The following UMAD1 variants were observed in gnomAD, a reference collection of about 807,000 sequenced individuals.
The protein encoded by UMAD1 is UBAP1-MVB12-associated (UMA) domain containing 1.
In UMAD1, 8 loss-of-function variants were observed where a neutral mutation model predicts 6.1. That is an observed-to-expected ratio of 1.30 (90% CI 0.76 to 2.35). The LOEUF (loss-of-function observed/expected upper bound fraction) is 2.35. Among genes scored for constraint, UMAD1 ranks in the 30% most tolerant of loss-of-function variants. The probability of loss-of-function intolerance (pLI) is 0.00; values close to 1 mark genes in which losing one functional copy is unlikely to be tolerated. For synonymous variants in UMAD1, 56 were observed against 31.4 expected, an observed-to-expected ratio of 1.78 and a Z score of -2.61; for missense variants, 130 against 78.4, an observed-to-expected ratio of 1.66 and a Z score of -2.49.
chr7:7,689,274 G>T (rs1780115547), intron 2 of UMAD1: 1 of 152,182 alleles, frequency 6.6e-6, no homozygotes, highest in Admixed American at 6.5e-5. Flanking sequence ...TCTCGTGGCA[G>T]TTATTTGATC....
intron 3 of UMAD1, among the ~76,000 whole-genome samples, chr7:7,831,258 T>C (rs1783461389): frequency 6.6e-6 from 1 of 152,242 alleles, no homozygotes; most frequent in Admixed American, 6.5e-5. Context: ...GTCGCCAGGA[T>C]ATTCTAAGTA....
At chr7:7,767,284 C>T (rs946892696) in intron 2 of UMAD1, among the ~76,000 whole-genome samples, 1 of 152,068 alleles carries the variant, frequency 6.6e-6, no homozygotes, top group African/African-American at 2.4e-5. Flanking sequence ...TGCCACCACA[C>T]CCGGCTAATT....
intron 2 of UMAD1, among the ~76,000 whole-genome samples, chr7:7,792,382 T>C (rs1782582106): frequency 6.6e-6 from 1 of 152,204 alleles, no homozygotes; most frequent in Non-Finnish European, 1.5e-5. Context: ...TCTCTATTCC[T>C]CTTTTCTTCA....
intron 2 of UMAD1, among the ~76,000 whole-genome samples, chr7:7,757,560 A>G (rs771997673): frequency 5.3e-5 from 8 of 152,230 alleles, no homozygotes; most frequent in Non-Finnish European, 1.2e-4. Flanking sequence ...AGCCAGATGT[A>G]AATGAGGTAA....
At chr7:7,696,443 G>A (rs1429474647) in intron 2 of UMAD1, among the ~76,000 whole-genome samples, 1 of 152,102 alleles carries the variant, frequency 6.6e-6, no homozygotes, top group Admixed American at 6.6e-5. Context: ...GAAGTCCTGA[G>A]CTTAGCCACT....
intron 2 of UMAD1, chr7:7,742,195 G>A (rs1392483036): frequency 1.5e-6 from 1 of 676,524 alleles, no homozygotes; most frequent in Non-Finnish European, 2.8e-6. Context: ...TGGCCACATC[G>A]ATGTCACAGA....
At position 7,877,603 on chromosome 7, in the gene UMAD1, G is replaced by T. The variant is rs1328199951; in HGVS notation, c.*65G>T. The T allele has an allele frequency of 3.0e-6, 2 of 677,556 alleles. No individual in the cohort carries two copies. The highest frequency in any genetic ancestry group is 2.1e-5 in the Admixed American group (1 of 48,510). The allele number at this position is 677,556 out of a possible 1,614,324, so 42.0% of individuals were successfully genotyped here. A position where few individuals can be genotyped will look rare whatever the true frequency, so the allele number is the denominator to read the frequency against. On this transcript the variant is annotated 3_prime_UTR_variant, in exon 4 of 4. Transcript: ENST00000682710. ...TTCGCCTATTTTATCTAACCTGTTT[G>T]ATGTTCTTTGCCGTTTCACTGTTTA...
chr7:7,780,514 G>A (rs894162282), intron 2 of UMAD1, among the ~76,000 whole-genome samples: 1 of 152,130 alleles, frequency 6.6e-6, no homozygotes, highest in Non-Finnish European at 1.5e-5. Context: ...CATACATGCA[G>A]AAACATGCAC....
intron 3 of UMAD1, among the ~76,000 whole-genome samples, chr7:7,818,659 C>T (rs1337739134): frequency 6.6e-6 from 1 of 152,166 alleles, no homozygotes; most frequent in African/African-American, 2.4e-5. Flanking sequence ...AATACCTTTA[C>T]TGTATATACC....
intron 2 of UMAD1, among the ~76,000 whole-genome samples, chr7:7,758,416 T>C (rs1449484958): frequency 6.6e-6 from 1 of 152,108 alleles, no homozygotes; most frequent in Non-Finnish European, 1.5e-5. Flanking sequence ...TCTTTTTATC[T>C]TTAAATTTTT....
At chr7:7,811,788 A>C (rs1309975834) in intron 3 of UMAD1, among the ~76,000 whole-genome samples, 1 of 152,236 alleles carries the variant, frequency 6.6e-6, no homozygotes, top group Non-Finnish European at 1.5e-5. Flanking sequence ...TGGTCCTTGC[A>C]GGTAAATTGT....
chr7:7,877,329 G>C lies in UMAD1; in HGVS notation c.205G>C (p.Glu69Gln). 1 of 717,486 alleles carries C rather than the reference G, an allele frequency of 1.4e-6. No homozygotes were observed. The highest frequency in any genetic ancestry group is 2.6e-6 in the Non-Finnish European group (1 of 385,084). The allele number at this position is 717,486 out of a possible 1,614,324, so 44.4% of individuals were successfully genotyped here. ...SSVTVSDPEM[E>Q]NKAGQTLENS... is the part of the protein sequence containing the mutation. ...TGTGACTGTATCAGACCCTGAGATGGAAAATAAGGCAGGCCAGACTCTGGA... is the reference window on the plus strand; with the variant it reads ...TGTGACTGTATCAGACCCTGAGATGCAAAATAAGGCAGGCCAGACTCTGGA... The change falls in exon 4 of 4, where the codon GAA becomes CAA. Residue 69 changes from glutamate to glutamine, a missense_variant. Physicochemically the swap from Glu to Gln is conservative, Grantham distance 29. Coordinates refer to ENST00000682710, the MANE Select transcript of UMAD1 (RefSeq NM_001302348.2).
intron 2 of UMAD1, among the ~76,000 whole-genome samples, chr7:7,707,915 G>T (rs1226295913): frequency 2.0e-5 from 3 of 152,158 alleles, no homozygotes; most frequent in Admixed American, 2.0e-4. Flanking sequence ...ATGCCTTGTT[G>T]CCCAGACAGT....
chr7:7,782,829 G>A (rs7795972), intron 2 of UMAD1, among the ~76,000 whole-genome samples: 114,221 of 150,930 alleles, frequency 0.76, 43,344 homozygotes, highest in South Asian at 0.81. Context: ...CTCTGAGTTC[G>A]AGCGATTCTC....
At position 7,801,716 on chromosome 7, in the gene UMAD1, G is replaced by A. The variant is rs547534097; in HGVS notation, c.129G>A (p.Ser43=). ...GAATGACAGCAAGAGGCAAAACTTC[G>A]GACATAGAGGCCAACCAACCTTTGG... ...EQRMTARGKT[S]DIEANQPLET... is the part of the protein sequence containing the mutation. The change falls in exon 3 of 4, where the codon TCG becomes TCA. Residue 43 remains serine, a synonymous_variant. Transcript: ENST00000682710. 5.7e-5 allele frequency: 41 copies of A among 717,996 alleles called. No individual in the cohort carries two copies. The highest frequency in any genetic ancestry group is 2.3e-4 in the Middle Eastern group (1 of 4,374). 44.5% of individuals were successfully genotyped at this position (717,996 alleles called of 1,614,324 possible). A position where few individuals can be genotyped will look rare whatever the true frequency, so the allele number is the denominator to read the frequency against.
At chr7:7,823,664 T>G (rs1467361149) in intron 3 of UMAD1, among the ~76,000 whole-genome samples, 2 of 152,192 alleles carry the variant, frequency 1.3e-5, no homozygotes, top group African/African-American at 4.8e-5. Flanking sequence ...GCTTTCTTTT[T>G]TATTTTTGAA....
At chr7:7,816,034 A>C (rs1783117982) in intron 3 of UMAD1, among the ~76,000 whole-genome samples, 1 of 152,158 alleles carries the variant, frequency 6.6e-6, no homozygotes, top group Non-Finnish European at 1.5e-5. Flanking sequence ...GAAGGACATT[A>C]ATTTAAAAAA....
At chr7:7,678,460 A>T (rs1583725252) in intron 2 of UMAD1, among the ~76,000 whole-genome samples, 1 of 142,298 alleles carries the variant, frequency 7.0e-6, no homozygotes, top group East Asian at 2.0e-4. Flanking sequence ...TTATATAATA[A>T]ATATATATTT....
intron 3 of UMAD1, among the ~76,000 whole-genome samples, chr7:7,818,733 T>G (rs1248923267): frequency 1.4e-4 from 21 of 152,348 alleles, no homozygotes; most frequent in African/African-American, 5.0e-4. Context: ...GTAGCACTAT[T>G]CACAATAGCA....
Sources: allele counts gnomAD v4.1 joint callset (sites outside exome capture counted in the v4.1 genomes callset), GRCh38; gene constraint gnomAD v4.1.1; transcripts MANE v1.5; gene names NCBI Gene and HGNC (gene_info 2026-07-23, HGNC 2026-07-21).